Variants in PKHD1L1 observed in about 807,000 individuals in gnomAD.
PKHD1L1 encodes PKHD1 like 1.
A neutral mutation model predicts 462.9 loss-of-function variants in PKHD1L1; 434 were observed. That is an observed-to-expected ratio of 0.94 (90% CI 0.87 to 1.02). The LOEUF is 1.02. Ranked by LOEUF, PKHD1L1 falls within the 50% of genes least tolerant of loss-of-function variation. PKHD1L1 has a pLI of 0.00. For synonymous variants in PKHD1L1, 1,781 were observed against 1,750.0 expected (o/e 1.02, Z -0.44); for missense variants, 5,202 against 5,096.1 (o/e 1.02, Z -0.63).
intron 33 of PKHD1L1, 43 bp downstream of exon 33, chr8:109,440,895 G>C: frequency 6.3e-7 from 1 of 1,586,642 alleles, no homozygotes. Flanking sequence ...ATTTTTCTCA[G>C]CTTAAAGGAT....
intron 28 of PKHD1L1, among the ~76,000 whole-genome samples, chr8:109,433,590 C>A (rs1427416798): frequency 6.6e-6 from 1 of 152,156 alleles, no homozygotes; most frequent in South Asian, 2.1e-4. Context: ...CAATGCCATG[C>A]AGGAAGAGGA....
At chr8:109,510,705 A>C (rs1819925495) in intron 70 of PKHD1L1, 72 bp from the exon 71 acceptor site, 4 of 1,487,522 alleles carry the variant, frequency 2.7e-6, no homozygotes, top group Non-Finnish European at 3.6e-6. Context: ...TTTTAATACA[A>C]TTACTCTTCA....
chr8:109,418,453 T>A (rs1814296934), intron 21 of PKHD1L1, among the ~76,000 whole-genome samples: 2 of 152,224 alleles, frequency 1.3e-5, no homozygotes, highest in Admixed American at 6.5e-5. Flanking sequence ...TATATTTAAT[T>A]ATTTGAATGG....
chr8:109,388,790 A>G (rs751120332), intron 7 of PKHD1L1, among the ~76,000 whole-genome samples: 1 of 152,174 alleles, frequency 6.6e-6, no homozygotes, highest in African/African-American at 2.4e-5. Context: ...GTTTTGAGCA[A>G]TATCTTTACC....
rs762787605 is a variant in PKHD1L1 at position 109,479,618 on chromosome 8, G to A, written c.9157G>A (p.Ala3053Thr). 6.6e-6 allele frequency: 10 copies of A among 1,518,728 alleles called. No individual in the cohort carries two copies. The South Asian group carries it at 1.2e-4, about 18-fold the overall frequency. The allele number at this position is 1,518,728 out of a possible 1,614,324, so 94.1% of individuals were successfully genotyped here. Residue 3053 changes from alanine (A) to threonine (T), a missense_variant, in exon 54 of 78, where the codon GCA becomes ACA. Around this residue, in one of 3 missense-constraint regions of PKHD1L1, gnomAD observed 4,497 missense variants for 4,336.8 expected, o/e 1.04. Coordinates refer to ENST00000378402, the MANE Select transcript of PKHD1L1 (RefSeq NM_177531.6). The part of the protein sequence containing the change: ...ENNYTVPHPG[A>T]NVIIPEGTWI... ...TAATTATACTGTACCTCACCCAGGG[G>A]CAAATGTGATTATACCTGAAGGTAA...
intron 47 of PKHD1L1, among the ~76,000 whole-genome samples, chr8:109,461,177 T>C (rs571138084): frequency 6.6e-6 from 1 of 152,320 alleles, no homozygotes; most frequent in Non-Finnish European, 1.5e-5. Context: ...TACAATACTA[T>C]AAGTAGTTGA....
intron 20 of PKHD1L1, among the ~76,000 whole-genome samples, chr8:109,412,694 A>G (rs1285757454): frequency 6.6e-6 from 1 of 152,068 alleles, no homozygotes; most frequent in East Asian, 1.9e-4. Flanking sequence ...TTTAAATACT[A>G]AAATAATTAA....
intron 50 of PKHD1L1, among the ~76,000 whole-genome samples, chr8:109,472,581 C>T (rs1000884134): frequency 6.6e-6 from 1 of 152,204 alleles, no homozygotes; most frequent in African/African-American, 2.4e-5. Flanking sequence ...CTTTCTGACG[C>T]CGCAAGGCTC....
chr8:109,407,799 T>C (rs1302536255), intron 17 of PKHD1L1, among the ~76,000 whole-genome samples: 1 of 152,202 alleles, frequency 6.6e-6, no homozygotes, highest in African/African-American at 2.4e-5. Flanking sequence ...TACTTCCTTT[T>C]AAGCTATAGA....
intron 67 of PKHD1L1, among the ~76,000 whole-genome samples, chr8:109,501,220 A>G (rs1819393432): frequency 1.3e-5 from 2 of 152,186 alleles, no homozygotes; most frequent in African/African-American, 4.8e-5. Context: ...TCAAGAATCT[A>G]TTCCACCAGT....
chr8:109,477,972 T>C (rs1818079035), intron 53 of PKHD1L1, among the ~76,000 whole-genome samples: 1 of 152,184 alleles, frequency 6.6e-6, no homozygotes. Flanking sequence ...TTAGAGTAAT[T>C]ACTGGACATG....
chr8:109,448,124 TG>T lies in PKHD1L1; in HGVS notation c.5777-18del. ...AATAGTTAGATATATTTATATTGTG[TG>T]CTTTTTTTTTTTTTAAGGTCCACCA... On this transcript the variant is annotated intron_variant, in intron 38 of 77. Coordinates refer to ENST00000378402, the MANE Select transcript of PKHD1L1 (RefSeq NM_177531.6). 1 of 1,555,688 alleles carries T rather than the reference TG, an allele frequency of 6.4e-7. No individual in the cohort carries two copies. Among genetic ancestry groups the T allele is most frequent in the South Asian group, 1.2e-5 (1 of 84,448 alleles).
At chr8:109,388,771 A>G (rs1283180456) in intron 7 of PKHD1L1, among the ~76,000 whole-genome samples, 2 of 152,156 alleles carry the variant, frequency 1.3e-5, no homozygotes, top group Admixed American at 6.6e-5. Context: ...GATTTTTATG[A>G]AAAAAGATGT....
Position 109,449,499 on chromosome 8 carries a change from G to A in PKHD1L1, c.6175+12G>A. 1 of 1,565,398 alleles carries A rather than the reference G, an allele frequency of 6.4e-7. No individual in the cohort carries two copies. Among genetic ancestry groups the A allele is most frequent in the Admixed American group, 1.9e-5 (1 of 53,816 alleles). The stretch of plus-strand genomic sequence containing the variant: ...TCCATCTAATAATGGTAAGTTGTCA[G>A]AAAAAGTAATGGCAGTCTTTGAGAA... On this transcript the variant is annotated intron_variant, in intron 40 of 77. Transcript: ENST00000378402.
At chr8:109,516,533 T>G (rs1231391915) in intron 72 of PKHD1L1, among the ~76,000 whole-genome samples, 1 of 152,080 alleles carries the variant, frequency 6.6e-6, no homozygotes, top group Non-Finnish European at 1.5e-5. Context: ...CCTTGAAGAT[T>G]AGGGCTTCAA....
intron 2 of PKHD1L1, among the ~76,000 whole-genome samples, chr8:109,380,623 G>T (rs527882966): frequency 6.6e-6 from 1 of 152,268 alleles, no homozygotes; most frequent in African/African-American, 2.4e-5. Flanking sequence ...CAGATTTGAT[G>T]AATAAATGCT....
At position 109,417,541 on chromosome 8, in the gene PKHD1L1, A is replaced by G. The variant is rs137974180; in HGVS notation, c.2361-1556A>G. ...AAGACAAAATTTATCCGCTTCTAAC[A>G]GGTATTTCTTTTTTTCTTTTGAGAT... is the stretch of plus-strand genomic sequence containing the variant. On this transcript the variant is annotated intron_variant, in intron 21 of 77. Coordinates refer to ENST00000378402, the MANE Select transcript of PKHD1L1 (RefSeq NM_177531.6). Among the ~76,000 whole-genome samples the G allele has an allele frequency of 2.3e-4, 35 of 151,866 alleles. No individual in the cohort carries two copies. The East Asian group carries it at 6.8e-3, about 29-fold the overall frequency.
intron 60 of PKHD1L1, 144 bp from the exon 61 acceptor site, chr8:109,490,826 CTT>C (rs1336872600): frequency 3.2e-6 from 2 of 628,994 alleles, no homozygotes; most frequent in Middle Eastern, 4.9e-4. Context: ...ATATTAAAGA[CTT>C]ATGGAGAAAT....
intron 73 of PKHD1L1, 49 bp downstream of exon 73, chr8:109,518,557 T>C: frequency 6.9e-7 from 1 of 1,439,180 alleles, no homozygotes. Context: ...ACCAAATCCA[T>C]ATCCATAAAT....
Sources: allele counts gnomAD v4.1 joint callset (sites outside exome capture counted in the v4.1 genomes callset), GRCh38; gene constraint gnomAD v4.1.1; regional missense constraint gnomAD v4.1.1; transcripts MANE v1.5; gene names NCBI Gene and HGNC (gene_info 2026-07-23, HGNC 2026-07-21).